Variants in ATE1 observed in about 807,000 individuals in gnomAD.
ATE1 encodes the protein arginyltransferase 1.
In ATE1, 36 loss-of-function variants were observed where a neutral mutation model predicts 70.5. The observed-to-expected ratio is 0.51, with a 90% CI of 0.39 to 0.67. The LOEUF (loss-of-function observed/expected upper bound fraction) is 0.67. Among genes scored for constraint, ATE1 ranks in the 30% least tolerant of loss-of-function variants. ATE1 has a pLI of 0.00. For synonymous variants in ATE1, 232 were observed against 219.3 expected (o/e 1.06, Z -0.51); for missense variants, 593 against 629.5 (o/e 0.94, Z 0.62).
chr10:121,847,452 A>ATAG (rs1948872778), intron 8 of ATE1, among the ~76,000 whole-genome samples: 1 of 150,206 alleles, frequency 6.7e-6, no homozygotes, highest in Non-Finnish European at 1.5e-5. Flanking sequence ...TGTCTCAAAA[A>ATAG]TAGTAATAAT....
intron 7 of ATE1, among the ~76,000 whole-genome samples, chr10:121,899,648 AC>A (rs1950904131): frequency 6.6e-6 from 1 of 152,250 alleles, no homozygotes; most frequent in Non-Finnish European, 1.5e-5. Flanking sequence ...TTTACATGTT[AC>A]TTTGACTCTG....
chr10:121,802,173 T>G (rs139153134), intron 10 of ATE1, among the ~76,000 whole-genome samples: 5 of 152,176 alleles, frequency 3.3e-5, no homozygotes, highest in East Asian at 3.9e-4. Context: ...AGTCGAGAGA[T>G]AACCTGTACC....
chr10:121,836,433 T>G, intron 10 of ATE1, among the ~76,000 whole-genome samples: 1 of 152,180 alleles, frequency 6.6e-6, no homozygotes, highest in Non-Finnish European at 1.5e-5. Context: ...GGGCTACGCA[T>G]ACTCAGGAAA....
At chr10:121,911,289 T>C in intron 4 of ATE1, 138 bp from the exon 5 acceptor site, 1 of 1,107,592 alleles carries the variant, frequency 9.0e-7, no homozygotes, top group Non-Finnish European at 1.3e-6. Context: ...TCCTCCAAAA[T>C]AAGAGAGCTG....
At chr10:121,902,714 G>T (rs1327103609) in intron 5 of ATE1, 94 bp from the exon 6 acceptor site, 2 of 1,224,996 alleles carry the variant, frequency 1.6e-6, no homozygotes, top group East Asian at 2.5e-5. Context: ...AGTCCAAAGA[G>T]TTTCAATGGT....
chr10:121,845,669 G>A (rs979159623), intron 8 of ATE1, among the ~76,000 whole-genome samples: 4 of 152,020 alleles, frequency 2.6e-5, no homozygotes, highest in African/African-American at 9.7e-5. Flanking sequence ...TTCTACACAC[G>A]AATACTGGAG....
At chr10:121,859,885 C>A (rs891625228) in intron 8 of ATE1, among the ~76,000 whole-genome samples, 2 of 152,044 alleles carry the variant, frequency 1.3e-5, no homozygotes, top group African/African-American at 4.8e-5. Flanking sequence ...GAGGTTGCAG[C>A]GAGCAAGATC....
chr10:121,876,612 G>A (rs1296636383), intron 7 of ATE1, among the ~76,000 whole-genome samples: 1 of 152,096 alleles, frequency 6.6e-6, no homozygotes, highest in African/African-American at 2.4e-5. Flanking sequence ...ATAAAATCCA[G>A]ATAACAGTAT....
intron 11 of ATE1, among the ~76,000 whole-genome samples, chr10:121,770,640 A>G (rs1252775079): frequency 1.3e-5 from 2 of 152,064 alleles, no homozygotes; most frequent in African/African-American, 4.8e-5. Flanking sequence ...AACTTTAATA[A>G]GTCTGACCTG....
chr10:121,785,339 T>C (rs992425274), intron 11 of ATE1, among the ~76,000 whole-genome samples: 1 of 152,210 alleles, frequency 6.6e-6, no homozygotes, highest in African/African-American at 2.4e-5. Flanking sequence ...CTAGGCATTG[T>C]TTCCCAGTGA....
At chr10:121,783,918 C>T (rs1220004364) in intron 11 of ATE1, among the ~76,000 whole-genome samples, 7 of 151,976 alleles carry the variant, frequency 4.6e-5, no homozygotes, top group Non-Finnish European at 8.8e-5. Flanking sequence ...CAGGGTCTTG[C>T]TCTCTTTCCC....
chr10:121,904,471 C>T (rs1396483381), intron 5 of ATE1, among the ~76,000 whole-genome samples: 1 of 150,756 alleles, frequency 6.6e-6, no homozygotes, highest in African/African-American at 2.4e-5. Context: ...GAAACCCTGT[C>T]TCTACTAAAT....
chr10:121,820,741 A>T (rs1947759677), intron 10 of ATE1, among the ~76,000 whole-genome samples: 3 of 152,232 alleles, frequency 2.0e-5, no homozygotes, highest in Admixed American at 1.3e-4. Flanking sequence ...AAGCTGAGAC[A>T]TTTCATCATA....
chr10:121,858,703 A>C (rs11200195), intron 8 of ATE1, among the ~76,000 whole-genome samples: 18,025 of 83,408 alleles, frequency 0.22, 1,408 homozygotes, highest in East Asian at 0.44. Context: ...TATTTTTTTA[A>C]TATATTATAT....
chr10:121,911,274 T>C, intron 4 of ATE1, 123 bp from the exon 5 acceptor site: 1 of 1,225,378 alleles, frequency 8.2e-7, no homozygotes, highest in Non-Finnish European at 1.1e-6. Context: ...CCAAATCCAT[T>C]CTCATCCTCC....
At chr10:121,853,482 T>C (rs1411493688) in intron 8 of ATE1, among the ~76,000 whole-genome samples, 1 of 152,030 alleles carries the variant, frequency 6.6e-6, no homozygotes, top group East Asian at 1.9e-4. Flanking sequence ...GAAATGCATA[T>C]TGGAGCATTT....
chr10:121,926,926 C>T (rs1181475062), intron 1 of ATE1: 1 of 985,308 alleles, frequency 1.0e-6, no homozygotes, highest in East Asian at 1.1e-4. Context: ...ACAAGTAGCA[C>T]TTAATAAACA....
chr10:121,789,758 T>C (rs1946360384), intron 11 of ATE1, among the ~76,000 whole-genome samples: 1 of 152,180 alleles, frequency 6.6e-6, no homozygotes, highest in Non-Finnish European at 1.5e-5. Context: ...TACAGTCTGT[T>C]TGCCTCCATG....
At chr10:121,768,855 G>A (rs1471692900) in intron 11 of ATE1, among the ~76,000 whole-genome samples, 2 of 151,796 alleles carry the variant, frequency 1.3e-5, no homozygotes, top group Non-Finnish European at 2.9e-5. Context: ...TTTTGAGTTT[G>A]TCAACTTACA....
Sources: allele counts gnomAD v4.1 joint callset (sites outside exome capture counted in the v4.1 genomes callset), GRCh38; gene constraint gnomAD v4.1.1; transcripts MANE v1.5; gene names NCBI Gene and HGNC (gene_info 2026-07-23, HGNC 2026-07-21).